Variants in FHDC1 observed in about 807,000 individuals in gnomAD.
The protein encoded by FHDC1 is FH2 domain containing 1.
FHDC1 carries 25 observed loss-of-function variants against 52.6 expected under a neutral mutation model. The observed-to-expected ratio is 0.48, with a 90% CI of 0.35 to 0.66. The LOEUF is 0.66. Among genes scored for constraint, FHDC1 ranks in the 30% least tolerant of loss-of-function variants. The probability of loss-of-function intolerance (pLI) is 0.01; values close to 1 mark genes in which losing one functional copy is unlikely to be tolerated. For synonymous variants in FHDC1, 616 were observed against 581.5 expected (o/e 1.06, Z -0.85); for missense variants, 1,459 against 1,452.8 (o/e 1.00, Z -0.07).
chr4:152,948,521 T>C (rs1298175951), intron 2 of FHDC1, among the ~76,000 whole-genome samples: 1 of 152,186 alleles, frequency 6.6e-6, no homozygotes, highest in African/African-American at 2.4e-5. Context: ...TGGCATGATC[T>C]CAGCTCACTG....
chr4:152,967,931 C>T (rs780138520), intron 9 of FHDC1, 49 bp from the exon 10 acceptor site: 2 of 1,390,014 alleles, frequency 1.4e-6, no homozygotes, highest in South Asian at 2.4e-5. Context: ...ACCTACATGA[C>T]ACATGGCTTC....
At chr4:152,963,769 G>GTTTTTTTTTTTTTTTTTTTTTT (rs58783965) in intron 8 of FHDC1, among the ~76,000 whole-genome samples, 4 of 51,802 alleles carry the variant, frequency 7.7e-5, no homozygotes, top group African/African-American at 1.3e-4. Context: ...CCATTGCTTT[G>GTTTTTTTTTTTTTTTTTTTTTT]TTTTTTTTTT....
chr4:152,921,142 A>C, the FHDC1 span, among the ~76,000 whole-genome samples: 1 of 151,898 alleles, frequency 6.6e-6, no homozygotes. Flanking sequence ...AACTTCCTTT[A>C]CCTTGCTTTT....
intron 4 of FHDC1, among the ~76,000 whole-genome samples, chr4:152,957,174 T>C (rs1191599745): frequency 1.3e-5 from 2 of 152,170 alleles, no homozygotes; most frequent in African/African-American, 4.8e-5. Context: ...AGTGGACACA[T>C]TACCACGTGG....
the FHDC1 span, among the ~76,000 whole-genome samples, chr4:152,929,648 G>C: frequency 1.3e-5 from 2 of 152,106 alleles, no homozygotes; most frequent in Admixed American, 6.5e-5. This position sits in a 1 kb window ranked among gnomAD's most constrained non-coding sequence, Gnocchi z 4.1. Flanking sequence ...ATGAGTTCCC[G>C]TGCAGTGGAG....
chr4:152,930,186 A>G, the FHDC1 span, among the ~76,000 whole-genome samples: 1 of 152,246 alleles, frequency 6.6e-6, no homozygotes, highest in Admixed American at 6.5e-5. Flanking sequence ...TGGGGTAGGT[A>G]GGAAGCCTAG....
the FHDC1 span, among the ~76,000 whole-genome samples, chr4:152,921,588 C>CCTTCCTTCCTTCCTT: frequency 1.8e-5 from 2 of 113,458 alleles, no homozygotes; most frequent in African/African-American, 6.9e-5. Context: ...CTTCCTTCCT[C>CCTTCCTTCCTTCCTT]CCTCCCTCCC....
chr4:152,949,117 A>C, intron 2 of FHDC1, among the ~76,000 whole-genome samples: 1 of 65,780 alleles, frequency 1.5e-5, no homozygotes, highest in African/African-American at 5.3e-5. Flanking sequence ...AATAATAATA[A>C]TAATAATAAG....
the FHDC1 span, among the ~76,000 whole-genome samples, chr4:152,916,414 A>T: frequency 4.6e-5 from 7 of 152,190 alleles, no homozygotes; most frequent in Non-Finnish European, 1.0e-4. Context: ...ATACATTCAT[A>T]TGTATTCACA....
At chr4:152,960,016 T>C (rs1476225058) in intron 4 of FHDC1, among the ~76,000 whole-genome samples, 1 of 152,212 alleles carries the variant, frequency 6.6e-6, no homozygotes, top group Non-Finnish European at 1.5e-5. Context: ...GAAGACACAA[T>C]AGACTCTTCC....
intron 2 of FHDC1, among the ~76,000 whole-genome samples, chr4:152,944,946 C>T (rs571194535): frequency 6.6e-6 from 1 of 152,188 alleles, no homozygotes; most frequent in African/African-American, 2.4e-5. Flanking sequence ...TCATTTCTCA[C>T]TATTGTCTGC....
intron 1 of FHDC1, among the ~76,000 whole-genome samples, chr4:152,937,300 G>C (rs1277105860): frequency 1.3e-5 from 2 of 152,166 alleles, no homozygotes; most frequent in Non-Finnish European, 2.9e-5. Context: ...GGCCGCCGCA[G>C]ACCCGGTGTC....
chr4:152,949,112 T>TAAGAAGAAGAAG (rs1301987979), intron 2 of FHDC1, among the ~76,000 whole-genome samples: 42 of 79,986 alleles, frequency 5.3e-4, no homozygotes, highest in Middle Eastern at 5.6e-3. Flanking sequence ...ATAATAATAA[T>TAAGAAGAAGAAG]AATAATAATA....
At position 152,948,897 on chromosome 4, in the gene FHDC1, G is replaced by A. The variant is rs78152087; in HGVS notation, c.499-4602G>A. 5.2e-3 allele frequency among the ~76,000 whole-genome samples: 784 copies of A among 152,096 alleles called. 7 individuals are homozygous for A. The highest frequency in any genetic ancestry group is 0.018 in the African/African-American group (733 of 41,454). On this transcript the variant is annotated intron_variant, in intron 2 of 11. Coordinates refer to ENST00000511601, the MANE Select transcript of FHDC1 (RefSeq NM_001371116.1). ...ATTCTTAAAAATTGTTATGGAGCCA[G>A]GGCAATTTAGTGAGACCCCCATCTC...
Position 152,975,795 on chromosome 4 carries a change from C to T in FHDC1, c.2504C>T (p.Pro835Leu), listed in dbSNP as rs772836892. 11 of 1,537,304 alleles carry T rather than the reference C, an allele frequency of 7.2e-6. No homozygotes were observed. The South Asian group carries it at 1.0e-4, about 14-fold the overall frequency. ...AGCCCCCCTGGGGAGGCTCCTGCCC[C>T]CGTCTCTGTGGATAGTGAGCCCAGC... ...TSSPPGEAPA[P>L]VSVDSEPSCK... Residue 835 changes from proline (P) to leucine (L), a missense_variant, in exon 12 of 12, where the codon CCC (proline) becomes CTC (leucine). Around this residue, in one of 3 missense-constraint regions of FHDC1, gnomAD observed 939 missense variants for 854.5 expected, o/e 1.10. Transcript: ENST00000511601.
intron 1 of FHDC1, among the ~76,000 whole-genome samples, chr4:152,937,876 T>G (rs974789672): frequency 6.6e-6 from 1 of 151,952 alleles, no homozygotes; most frequent in Non-Finnish European, 1.5e-5. Context: ...GCTGAGCCGG[T>G]GGCTTGTTGG....
intron 4 of FHDC1, among the ~76,000 whole-genome samples, chr4:152,954,890 T>G (rs1479533225): frequency 6.6e-6 from 1 of 152,124 alleles, no homozygotes; most frequent in African/African-American, 2.4e-5. Flanking sequence ...TCCTGTGAAC[T>G]TTAGTTTCCT....
chr4:152,959,101 A>G (rs1740196755), intron 4 of FHDC1, among the ~76,000 whole-genome samples: 1 of 152,246 alleles, frequency 6.6e-6, no homozygotes, highest in South Asian at 2.1e-4. Flanking sequence ...ATCATAACCA[A>G]GGGAGTGGAA....
rs746844198 is a variant in FHDC1 at position 152,976,567 on chromosome 4, C to G, written c.3276C>G (p.Ala1092=). 3 of 1,612,716 alleles carry G rather than the reference C, an allele frequency of 1.9e-6. No individual in the cohort carries two copies. The South Asian group carries it at 3.3e-5, about 18-fold the overall frequency. ...GCACTTTGAGGCGAGCCAGCAGTGC[C>G]CGGGCCCCCAAGAAGCGCCCAGAGT... ...DSSTLRRASS[A]RAPKKRPESA... Residue 1092 remains alanine (A), a synonymous_variant, in exon 12 of 12, where the codon GCC becomes GCG. Transcript: ENST00000511601.
Sources: gnomAD v4.1 joint callset for allele counts (sites outside exome capture counted in the v4.1 genomes callset) on GRCh38, gnomAD v4.1.1 for gene constraint, gnomAD v4.1.1 regional missense constraint, Gnocchi (gnomAD v3.1) non-coding constraint, MANE v1.5 for transcripts, NCBI Gene and HGNC (gene_info 2026-07-23, HGNC 2026-07-21) for gene names.